Variants in FAM53A observed in about 807,000 individuals in gnomAD.
FAM53A encodes the protein protein FAM53A.
In FAM53A, 28 loss-of-function variants were observed where a neutral mutation model predicts 26.6. The ratio of observed to expected loss-of-function variants is 1.05; its 90% CI spans 0.78 to 1.45. The LOEUF is 1.45. FAM53A is among the 40% of genes most tolerant of loss of function. FAM53A has a pLI of 0.00. For synonymous variants in FAM53A, 290 were observed against 253.1 expected, an observed-to-expected ratio of 1.15 and a Z score of -1.38; for missense variants, 650 against 575.8, an observed-to-expected ratio of 1.13 and a Z score of -1.32.
downstream of FAM53A, among the ~76,000 whole-genome samples, chr4:1,636,710 T>C (rs62286248): frequency 0.21 from 32,620 of 152,258 alleles, 3,940 homozygotes; most frequent in Middle Eastern, 0.28. Flanking sequence ...GAGGAGAAAG[T>C]GCGTGCCTGC....
intron 2 of FAM53A, among the ~76,000 whole-genome samples, chr4:1,667,501 G>T (rs1446298019): frequency 6.6e-6 from 1 of 152,122 alleles, no homozygotes; most frequent in African/African-American, 2.4e-5. Context: ...GGCCCTGAGT[G>T]CCAGGCCCCA....
the FAM53A span, among the ~76,000 whole-genome samples, chr4:1,602,850 G>T: frequency 6.6e-6 from 1 of 152,220 alleles, no homozygotes; most frequent in South Asian, 2.1e-4. Context: ...CGGCTCCGGC[G>T]GGAGGGGCTG....
At chr4:1,610,290 G>T in the FAM53A span, among the ~76,000 whole-genome samples, 1 of 151,816 alleles carries the variant, frequency 6.6e-6, no homozygotes, top group Admixed American at 6.6e-5. Flanking sequence ...GACTCCAGCT[G>T]CCTCCCCTGG....
At chr4:1,592,804 G>A in the FAM53A span, among the ~76,000 whole-genome samples, 1 of 152,152 alleles carries the variant, frequency 6.6e-6, no homozygotes, top group Admixed American at 6.5e-5. Flanking sequence ...AGAGGCGGCC[G>A]CGGGGGCGCC....
chr4:1,579,107 C>T, the FAM53A span, among the ~76,000 whole-genome samples: 3 of 151,610 alleles, frequency 2.0e-5, no homozygotes, highest in East Asian at 3.9e-4. Flanking sequence ...GGACGCCCCT[C>T]CCGAGCGCTC....
downstream of FAM53A, among the ~76,000 whole-genome samples, chr4:1,639,498 C>A (rs1437791129): frequency 6.6e-6 from 1 of 152,320 alleles, no homozygotes; most frequent in South Asian, 2.1e-4. Flanking sequence ...TTCTGTCAGT[C>A]CCAGCACAGG....
At chr4:1,599,578 G>A in the FAM53A span, among the ~76,000 whole-genome samples, 2 of 152,188 alleles carry the variant, frequency 1.3e-5, no homozygotes, top group African/African-American at 4.8e-5. The surrounding 1 kb of genome is among the most constrained non-coding windows in gnomAD (Gnocchi z 6.1). Flanking sequence ...ATTTTCAAGG[G>A]TGGGGACTGC....
At chr4:1,680,337 A>AGC (rs1158435754) in intron 1 of FAM53A, among the ~76,000 whole-genome samples, 3 of 147,954 alleles carry the variant, frequency 2.0e-5, no homozygotes, top group Non-Finnish European at 4.5e-5. Context: ...AAAAAAAAAA[A>AGC]AAAAAAAACA....
chr4:1,598,371 C>T, the FAM53A span, among the ~76,000 whole-genome samples: 4 of 152,330 alleles, frequency 2.6e-5, no homozygotes, highest in East Asian at 1.9e-4. Flanking sequence ...CGGAGGGGCA[C>T]GGACGGGAGC....
chr4:1,634,751 T>C (rs1379600120), intron 1 of FAM53A, among the ~76,000 whole-genome samples: 6 of 151,208 alleles, frequency 4.0e-5, no homozygotes, highest in Non-Finnish European at 8.8e-5. Context: ...CACAAAAAAA[T>C]TAGCCAGGCA....
chr4:1,616,887 G>T (rs1260255775), downstream of FAM53A, among the ~76,000 whole-genome samples: 1 of 152,126 alleles, frequency 6.6e-6, no homozygotes, highest in Non-Finnish European at 1.5e-5. Flanking sequence ...CTGCAATCCC[G>T]GCACTCTGGG....
At chr4:1,641,652 C>CACA in intron 4 of FAM53A, 45 bp from the exon 5 acceptor site, 1 of 1,599,806 alleles carries the variant, frequency 6.3e-7, no homozygotes. Flanking sequence ...TAGCAGATCA[C>CACA]ACAGGAGGCA....
chr4:1,657,453 C>T lies in FAM53A; in HGVS notation c.91G>A (p.Glu31Lys). The T allele has an allele frequency of 6.2e-7, 1 of 1,613,844 alleles. No homozygotes were observed. Residue 31 changes from glutamate (E) to lysine (K), a missense_variant, in exon 3 of 5, where the codon GAA (glutamate) becomes AAA (lysine). By Grantham distance (56) the Glu-to-Lys change is moderately conservative. Transcript: ENST00000308132. ...AEAGPLQYSA[E>K]TLNKSGRLFP... ...AGACGACCGCTCTTGTTCAGGGTTT[C>T]CGCAGAATACTGCAACTGACAGGAA...
At position 1,680,166 on chromosome 4, in the gene FAM53A, A is replaced by C. The variant is rs200016696; in HGVS notation, c.-165+4067T>G. 1.3e-4 allele frequency among the ~76,000 whole-genome samples: 20 copies of C among 151,898 alleles called. No homozygotes were observed. In the East Asian group the frequency reaches 3.9e-3, roughly 29 times the overall value. On this transcript the variant is annotated intron_variant, in intron 1 of 4. Transcript: ENST00000308132. Reference sequence around the variant, plus strand: ...GAAACCCCGTCTCTACTAAAAATACAAAATTAGCCGGGCATGGTGGCACAT... The same window carrying C: ...GAAACCCCGTCTCTACTAAAAATACCAAATTAGCCGGGCATGGTGGCACAT...
At chr4:1,604,343 C>A in the FAM53A span, among the ~76,000 whole-genome samples, 3 of 152,148 alleles carry the variant, frequency 2.0e-5, no homozygotes, top group African/African-American at 7.2e-5. Flanking sequence ...CGGTGGCTGC[C>A]TACGCAGGTT....
In FAM53A at chr4:1,668,131, A is replaced by T. The variant is rs1714371386; in HGVS notation, c.75+536T>A. On this transcript the variant is annotated intron_variant, in intron 2 of 4. Coordinates refer to ENST00000308132, the MANE Select transcript of FAM53A (RefSeq NM_001174070.3). ...CTTTCAGTAAAACTCTATTTTTTTA[A>T]ATAGCAAGTCAAGGCTCTTTTTTTT... Among the ~76,000 whole-genome samples the T allele has an allele frequency of 2.2e-5, 3 of 134,074 alleles. No individual in the cohort carries two copies. In the Admixed American group the frequency reaches 2.6e-4, roughly 12 times the overall value. The allele number at this position is 134,074 out of a possible 152,430, so 88.0% of individuals were successfully genotyped here.
chr4:1,625,485 A>G (rs1715249104), intron 1 of FAM53A, among the ~76,000 whole-genome samples: 1 of 82,594 alleles, frequency 1.2e-5, no homozygotes, highest in Non-Finnish European at 2.2e-5. Context: ...GGGTCACACC[A>G]GGTGATCAGA....
chr4:1,642,135 C>T (rs191628205), intron 4 of FAM53A, among the ~76,000 whole-genome samples: 9 of 152,300 alleles, frequency 5.9e-5, no homozygotes, highest in Admixed American at 5.9e-4. Flanking sequence ...TGGAACCCCA[C>T]CTCGTCGGTG....
Position 1,641,435 on chromosome 4 carries a change from A to G in FAM53A, c.1055T>C (p.Leu352Pro). Residue 352 changes from leucine to proline, a missense_variant, in exon 5 of 5, where the codon CTG becomes CCG. Physicochemically the swap from Leu to Pro is moderately conservative, Grantham distance 98. Transcript: ENST00000308132. ...GLRTSPVHPN[L>P]WASRESVTSD... is the part of the protein sequence containing the mutation. ...GGTCACCGACTCCCTAGAGGCCCAC[A>G]GGTTGGGGTGGACAGGGCTGGTCCT... The G allele has an allele frequency of 6.2e-7, 1 of 1,613,032 alleles. No homozygotes were observed. The highest frequency in any genetic ancestry group is 8.5e-7 in the Non-Finnish European group (1 of 1,179,566).
Sources: allele counts gnomAD v4.1 joint callset (sites outside exome capture counted in the v4.1 genomes callset), GRCh38; gene constraint gnomAD v4.1.1; non-coding constraint Gnocchi (gnomAD v3.1); transcripts MANE v1.5; gene names NCBI Gene and HGNC (gene_info 2026-07-23, HGNC 2026-07-21).